The following TNRC6A variants were observed in gnomAD, a reference collection of about 807,000 sequenced individuals.
TNRC6A encodes trinucleotide repeat-containing gene 6A protein.
A neutral mutation model predicts 221.2 loss-of-function variants in TNRC6A; 44 were observed. The observed-to-expected ratio is 0.20, with a 90% confidence interval of 0.16 to 0.26. TNRC6A has a LOEUF of 0.26. Among genes scored for constraint, TNRC6A ranks in the 10% least tolerant of loss-of-function variants. The pLI, the probability that TNRC6A is intolerant of heterozygous loss-of-function variation, is 1.00. For synonymous variants in TNRC6A, 847 were observed against 838.5 expected (o/e 1.01, Z -0.18); for missense variants, 2,199 against 2,404.4 (o/e 0.91, Z 1.79).
Position 24,804,254 on chromosome 16 carries a change from G to C in TNRC6A, c.3772G>C (p.Gly1258Arg), listed in dbSNP as rs1332652338. ...TGATTACAATCGAACGGTCGGGAAA[G>C]GCCCTGGTTCTCGGCCTCAGATTTC... The part of the protein sequence containing the change: ...IGDYNRTVGK[G>R]PGSRPQISKE... The change falls in exon 12 of 25, where the codon GGC becomes CGC. Residue 1258 changes from glycine to arginine, a missense_variant. Physicochemically the swap from Gly to Arg is moderately radical, Grantham distance 125. Around this residue, in one of 8 missense-constraint regions of TNRC6A, gnomAD observed 158 missense variants for 159.1 expected, o/e 0.99. Coordinates refer to ENST00000395799, the MANE Select transcript of TNRC6A (RefSeq NM_014494.4). 1 of 1,613,680 alleles carries C rather than the reference G, an allele frequency of 6.2e-7. No homozygotes were observed. The highest frequency in any genetic ancestry group is 2.2e-5 in the East Asian group (1 of 44,880).
intron 1 of TNRC6A, among the ~76,000 whole-genome samples, chr16:24,616,354 G>T (rs1158355709): frequency 2.0e-5 from 3 of 148,012 alleles, no homozygotes; most frequent in Non-Finnish European, 4.5e-5. Context: ...AGAAGAAGAA[G>T]AAGAAGAAAA....
At chr16:24,740,515 T>C (rs2056869367) in intron 2 of TNRC6A, among the ~76,000 whole-genome samples, 1 of 152,226 alleles carries the variant, frequency 6.6e-6, no homozygotes. Flanking sequence ...GTAATCATGC[T>C]TCTTTTGTGG....
intron 2 of TNRC6A, chr16:24,664,098 G>C (rs2055093609): frequency 2.9e-6 from 1 of 348,312 alleles, no homozygotes; most frequent in African/African-American, 2.1e-5. Context: ...GGTGGAAGCA[G>C]AGGCGGGTGG....
At chr16:24,622,205 A>C (rs1440727570) in intron 1 of TNRC6A, among the ~76,000 whole-genome samples, 1 of 152,130 alleles carries the variant, frequency 6.6e-6, no homozygotes, top group Non-Finnish European at 1.5e-5. Flanking sequence ...GGATCTCTAG[A>C]GCCTAGGAAC....
chr16:24,710,741 A>T (rs1324862263), intron 2 of TNRC6A, among the ~76,000 whole-genome samples: 10 of 147,344 alleles, frequency 6.8e-5, no homozygotes, highest in African/African-American at 2.2e-4. Context: ...TTTTTTTTTG[A>T]GATGAAGTCT....
intron 2 of TNRC6A, among the ~76,000 whole-genome samples, chr16:24,708,062 A>AACAAAAAACAAAAAAC (rs539257245): frequency 0.26 from 38,879 of 151,384 alleles, 8,294 homozygotes; most frequent in East Asian, 0.72. Flanking sequence ...CTGTCAAAAA[A>AACAAAAAACAAAAAAC]AAAAAAACAC....
chr16:24,790,256 T>A lies in TNRC6A; in HGVS notation c.1614T>A (p.Asn538Lys). ...CTGGAGACAAATGTTCAGGCCCTAA[T>A]GGCCAAGCTAATGGTGACACTGTGA... ...NYSGDKCSGP[N>K]GQANGDTVNA... Residue 538 changes from asparagine (N) to lysine (K), a missense_variant, in exon 6 of 25, where the codon AAT becomes AAA. By Grantham distance (94) the Asn-to-Lys change is moderately conservative (BLOSUM62 0). Coordinates refer to ENST00000395799, the MANE Select transcript of TNRC6A (RefSeq NM_014494.4). The A allele has an allele frequency of 6.2e-7, 1 of 1,614,226 alleles. No homozygotes were observed.
chr16:24,687,919 CTTTTCT>C (rs2055670948), intron 2 of TNRC6A, among the ~76,000 whole-genome samples: 3 of 83,548 alleles, frequency 3.6e-5, no homozygotes, highest in African/African-American at 1.9e-4. Context: ...TGCTTCTTTT[CTTTTCT>C]TTTCTTTTCT....
chr16:24,628,419 C>CA (rs1430890021), intron 1 of TNRC6A, among the ~76,000 whole-genome samples: 9 of 150,150 alleles, frequency 6.0e-5, no homozygotes, highest in South Asian at 2.1e-4. Flanking sequence ...GACTCCATCT[C>CA]AAAAAAAAGA....
At chr16:24,757,145 A>G (rs1402936990) in intron 3 of TNRC6A, among the ~76,000 whole-genome samples, 1 of 151,364 alleles carries the variant, frequency 6.6e-6, no homozygotes, top group African/African-American at 2.4e-5. Flanking sequence ...TTTTTTTTTC[A>G]TTTAAATTTT....
At position 24,695,675 on chromosome 16, in the gene TNRC6A, G is replaced by T. The variant is rs1251893902; in HGVS notation, n.402+54666G>T. 8.5e-5 allele frequency among the ~76,000 whole-genome samples: 13 copies of T among 152,218 alleles called. No individual in the cohort carries two copies. The East Asian group carries it at 2.5e-3, about 29-fold the overall frequency. ...GGCCTCCCAAAGTGCTGGGATTACA[G>T]GCGTGAGCCACCCCGCCTGGCCTTC... On this transcript the variant is annotated intron_variant and non_coding_transcript_variant, in intron 2 of 2. Coordinates refer to the TNRC6A transcript ENST00000566108.
chr16:24,789,149 T>A (rs1249550668), intron 5 of TNRC6A, 83 bp from the exon 6 acceptor site: 12 of 1,332,944 alleles, frequency 9.0e-6, no homozygotes, highest in Middle Eastern at 2.3e-4. Context: ...ATTTATAACA[T>A]ATTCGTCATT....
At chr16:24,750,148 CAA>C (rs1344579993) in intron 2 of TNRC6A, among the ~76,000 whole-genome samples, 4 of 152,088 alleles carry the variant, frequency 2.6e-5, no homozygotes, top group Admixed American at 6.5e-5. Context: ...TCAGAACAAA[CAA>C]GAGTACGTTA....
In TNRC6A at chr16:24,820,326, A is replaced by G. The variant is rs764307030; in HGVS notation, c.5268A>G (p.Gly1756=). The change falls in exon 22 of 25, where the codon GGA becomes GGG. Residue 1756 remains glycine, a synonymous_variant. Transcript: ENST00000395799. ...TWDNSPLRIG[G]GWGNSDARYT... is the part of the protein sequence containing the mutation. Reference sequence around the variant, plus strand: ...ATAATTCTCCCCTTCGTATAGGTGGAGGATGGGGAAATTCTGACGCCAGAT... The same window carrying G: ...ATAATTCTCCCCTTCGTATAGGTGGGGGATGGGGAAATTCTGACGCCAGAT... The G allele has an allele frequency of 1.2e-6, 2 of 1,614,200 alleles. No individual in the cohort carries two copies. The highest frequency in any genetic ancestry group is 1.7e-6 in the Non-Finnish European group (2 of 1,180,026).
chr16:24,754,364 T>C (rs912280125), intron 3 of TNRC6A, among the ~76,000 whole-genome samples: 2 of 152,224 alleles, frequency 1.3e-5, no homozygotes, highest in Non-Finnish European at 2.9e-5. Context: ...GTGATTTGTA[T>C]TGTATTTCAG....
Position 24,782,337 on chromosome 16 carries a change from G to C in TNRC6A, c.589+4979G>C, listed in dbSNP as rs183626270. ...TGCATTTGGTTGTGATATTGCATTT[G>C]TCTTTTTTATTCTGGAACAGAGATC... On this transcript the variant is annotated intron_variant, in intron 5 of 24. Coordinates refer to ENST00000395799, the MANE Select transcript of TNRC6A (RefSeq NM_014494.4). Among the ~76,000 whole-genome samples, 285 of 152,304 alleles carry C rather than the reference G, an allele frequency of 1.9e-3. 1 individual carries two copies. The highest frequency in any genetic ancestry group is 6.6e-3 in the African/African-American group (276 of 41,544).
At chr16:24,621,696 T>C (rs1455564473) in intron 1 of TNRC6A, among the ~76,000 whole-genome samples, 3 of 152,146 alleles carry the variant, frequency 2.0e-5, no homozygotes, top group African/African-American at 7.2e-5. Context: ...TTATTGTTTA[T>C]ATGTGTAACG....
At chr16:24,646,075 T>C (rs1234676056) in intron 2 of TNRC6A, among the ~76,000 whole-genome samples, 1 of 152,124 alleles carries the variant, frequency 6.6e-6, no homozygotes, top group Non-Finnish European at 1.5e-5. Context: ...ATCATTACTA[T>C]TGATTTGTAT....
In TNRC6A at chr16:24,636,159, A is replaced by C. The variant is rs554609431; in HGVS notation, n.277-4725A>C. 8.5e-5 allele frequency among the ~76,000 whole-genome samples: 13 copies of C among 152,314 alleles called. No individual in the cohort carries two copies. In the South Asian group the frequency reaches 2.3e-3, roughly 27 times the overall value. The stretch of plus-strand genomic sequence containing the variant: ...CTGCCTGCCAAGGATTTTCATCAGG[A>C]ATGTGTGCTGGATTCTTTCTTAATG... On this transcript the variant is annotated intron_variant and non_coding_transcript_variant, in intron 1 of 2. Coordinates refer to the TNRC6A transcript ENST00000566108.
Sources: gnomAD v4.1 joint callset for allele counts (sites outside exome capture counted in the v4.1 genomes callset) on GRCh38, gnomAD v4.1.1 for gene constraint, gnomAD v4.1.1 regional missense constraint, MANE v1.5 for transcripts, NCBI Gene and HGNC (gene_info 2026-07-23, HGNC 2026-07-21) for gene names.